Variants in STX8 observed in about 807,000 individuals in gnomAD.
STX8 encodes the protein syntaxin 8, also known as syntaxin-8.
STX8 carries 23 observed loss-of-function variants against 37.5 expected under a neutral mutation model. The observed-to-expected ratio is 0.61, with a 90% CI of 0.44 to 0.87. STX8 has a LOEUF of 0.87. STX8 is among the 40% of genes least tolerant of loss of function. The probability of loss-of-function intolerance (pLI) is 0.00; values close to 1 mark genes in which losing one functional copy is unlikely to be tolerated. For missense variants in STX8, 313 were observed against 284.7 expected (o/e 1.10, Z -0.71); for synonymous variants, 115 against 99.1 (o/e 1.16, Z -0.95).
chr17:9,406,564 A>T (rs1427346175), intron 6 of STX8, among the ~76,000 whole-genome samples: 1 of 152,184 alleles, frequency 6.6e-6, no homozygotes, highest in Non-Finnish European at 1.5e-5. Flanking sequence ...ATTTCTGTCC[A>T]CTGTGAAGGA....
At chr17:9,478,944 T>C (rs1906206735) in intron 6 of STX8, among the ~76,000 whole-genome samples, 1 of 152,148 alleles carries the variant, frequency 6.6e-6, no homozygotes, top group African/African-American at 2.4e-5. Context: ...TCCTTGACAG[T>C]ACTTATTAAA....
intron 7 of STX8, among the ~76,000 whole-genome samples, chr17:9,303,372 A>G (rs1049800221): frequency 6.6e-6 from 1 of 152,174 alleles, no homozygotes; most frequent in African/African-American, 2.4e-5. Context: ...TCCATGAAAC[A>G]CAAATACAGT....
chr17:9,292,259 G>T (rs759621917), intron 7 of STX8, among the ~76,000 whole-genome samples: 1 of 152,234 alleles, frequency 6.6e-6, no homozygotes, highest in Non-Finnish European at 1.5e-5. Context: ...TAGAGCAAAG[G>T]CATCCTGGAA....
intron 6 of STX8, among the ~76,000 whole-genome samples, chr17:9,441,768 C>T (rs1026299990): frequency 2.5e-4 from 37 of 150,388 alleles, no homozygotes; most frequent in Non-Finnish European, 3.5e-4. Context: ...CTCCGCCTCC[C>T]GGGTTCACAC....
At chr17:9,568,552 G>C (rs1403435618) in intron 1 of STX8, 82 bp from the exon 2 acceptor site, 1 of 1,140,306 alleles carries the variant, frequency 8.8e-7, no homozygotes, top group Non-Finnish European at 1.3e-6. Context: ...CCAGGCTGGA[G>C]TGCAGTGGCA....
intron 6 of STX8, among the ~76,000 whole-genome samples, chr17:9,439,414 G>T (rs1286810873): frequency 1.3e-5 from 2 of 152,004 alleles, no homozygotes; most frequent in Non-Finnish European, 1.5e-5. Context: ...CTGGACATTT[G>T]TAAACAATTA....
In STX8 at chr17:9,472,906, A is replaced by G. The variant is rs976794484; in HGVS notation, c.541+18923T>C. Among the ~76,000 whole-genome samples, 12 of 152,348 alleles carry G rather than the reference A, an allele frequency of 7.9e-5. No individual in the cohort carries two copies. The East Asian group carries it at 2.3e-3, about 29-fold the overall frequency. On this transcript the variant is annotated intron_variant, in intron 6 of 7. Transcript: ENST00000306357. ...GTCAAGACCAGTATATGGGCCTAGAAGAAAAAAGTCAGGGAGGAACTAGGG... is the reference window on the plus strand; with the variant it reads ...GTCAAGACCAGTATATGGGCCTAGAGGAAAAAAGTCAGGGAGGAACTAGGG...
chr17:9,351,175 T>C (rs1377707785), intron 7 of STX8, among the ~76,000 whole-genome samples: 1 of 142,436 alleles, frequency 7.0e-6, no homozygotes, highest in African/African-American at 2.6e-5. Flanking sequence ...GATTTCCTTG[T>C]CTTTTTTTTT....
chr17:9,405,896 C>T (rs1450949250), intron 6 of STX8, among the ~76,000 whole-genome samples: 1 of 152,182 alleles, frequency 6.6e-6, no homozygotes, highest in Admixed American at 6.5e-5. Flanking sequence ...TAGATCAGAT[C>T]CTTCACTTTC....
chr17:9,295,792 CCCAGCA>C (rs1908501960), intron 7 of STX8, among the ~76,000 whole-genome samples: 1 of 123,330 alleles, frequency 8.1e-6, no homozygotes, highest in Non-Finnish European at 2.0e-5. Context: ...TGCCTGTAAT[CCCAGCA>C]CTTTGGGAGG....
intron 4 of STX8, among the ~76,000 whole-genome samples, chr17:9,517,393 AAGG>A (rs1180980448): frequency 1.3e-5 from 2 of 152,112 alleles, no homozygotes; most frequent in Non-Finnish European, 2.9e-5. Context: ...TGAAATCAAT[AAGG>A]AGAGTTGTCA....
intron 7 of STX8, among the ~76,000 whole-genome samples, chr17:9,336,729 C>T (rs1910153118): frequency 1.3e-5 from 2 of 152,196 alleles, no homozygotes. Context: ...CCACCGTGCC[C>T]AGCCTACTTT....
chr17:9,282,248 T>C (rs886756588), intron 7 of STX8, among the ~76,000 whole-genome samples: 1 of 152,092 alleles, frequency 6.6e-6, no homozygotes, highest in Non-Finnish European at 1.5e-5. Context: ...TTCTCCTGCC[T>C]CAGCCCCCCG....
intron 6 of STX8, among the ~76,000 whole-genome samples, chr17:9,427,363 G>A (rs1043158775): frequency 6.6e-6 from 1 of 152,160 alleles, no homozygotes; most frequent in African/African-American, 2.4e-5. Context: ...CAGTGTGGCA[G>A]GCAGTCACCT....
At chr17:9,503,105 C>CAA (rs61437085) in intron 5 of STX8, among the ~76,000 whole-genome samples, 41,462 of 58,852 alleles carry the variant, frequency 0.7, 15,828 homozygotes, top group Middle Eastern at 0.88. Flanking sequence ...GACTCTGTCT[C>CAA]AAAAAAAAAA....
intron 5 of STX8, among the ~76,000 whole-genome samples, chr17:9,499,921 C>T (rs566249903): frequency 1.3e-5 from 2 of 152,160 alleles, no homozygotes; most frequent in South Asian, 2.1e-4. Context: ...GCACCTTCTC[C>T]GGGACGAGCA....
chr17:9,292,916 A>G (rs536267377), intron 7 of STX8, among the ~76,000 whole-genome samples: 1 of 152,236 alleles, frequency 6.6e-6, no homozygotes, highest in South Asian at 2.1e-4. Flanking sequence ...AAGGCCTTAC[A>G]CCCAACCAGC....
At chr17:9,562,176 G>A (rs1907260962) in intron 2 of STX8, among the ~76,000 whole-genome samples, 1 of 151,946 alleles carries the variant, frequency 6.6e-6, no homozygotes, top group East Asian at 1.9e-4. Context: ...GGCTGAGGCA[G>A]GCGGATCACA....
intron 7 of STX8, among the ~76,000 whole-genome samples, chr17:9,342,876 C>A (rs1215288368): frequency 6.6e-6 from 1 of 152,022 alleles, no homozygotes; most frequent in Non-Finnish European, 1.5e-5. Flanking sequence ...CAAAAATTAG[C>A]CAGGTGTGGT....
Sources: gnomAD v4.1 joint callset for allele counts (sites outside exome capture counted in the v4.1 genomes callset) on GRCh38, gnomAD v4.1.1 for gene constraint, MANE v1.5 for transcripts, NCBI Gene and HGNC (gene_info 2026-07-23, HGNC 2026-07-21) for gene names.